Variants in KCNIP4 observed in about 807,000 individuals in gnomAD.
KCNIP4 encodes the protein Kv channel-interacting protein 4.
Under a neutral mutation model 34.0 loss-of-function variants are expected in KCNIP4, and 12 were observed. The observed-to-expected ratio is 0.35, with a 90% confidence interval of 0.23 to 0.57. The LOEUF (loss-of-function observed/expected upper bound fraction) is 0.57. Ranked by LOEUF, KCNIP4 falls within the 20% of genes least tolerant of loss-of-function variation. The pLI is 0.83. For missense variants in KCNIP4, 238 were observed against 311.7 expected, an observed-to-expected ratio of 0.76 and a Z score of 1.78; for synonymous variants, 124 against 102.2, an observed-to-expected ratio of 1.21 and a Z score of -1.29.
At chr4:20,925,307 G>A (rs917117052) in intron 1 of KCNIP4, among the ~76,000 whole-genome samples, 7 of 152,078 alleles carry the variant, frequency 4.6e-5, no homozygotes, top group Non-Finnish European at 8.8e-5. Flanking sequence ...TTCCCAGATG[G>A]TTAGGGCATT....
intron 1 of KCNIP4, among the ~76,000 whole-genome samples, chr4:21,934,432 G>T (rs1729735904): frequency 2.6e-5 from 4 of 151,968 alleles, no homozygotes; most frequent in Admixed American, 2.6e-4. Context: ...CTCTTCCCAT[G>T]TAATCACTTC....
At chr4:21,780,303 A>C (rs565876572) in intron 1 of KCNIP4, among the ~76,000 whole-genome samples, 1 of 152,228 alleles carries the variant, frequency 6.6e-6, no homozygotes, top group African/African-American at 2.4e-5. Flanking sequence ...AAGGGTCAAA[A>C]ATTCCCCATG....
At chr4:21,870,218 G>A (rs770390666) in intron 1 of KCNIP4, among the ~76,000 whole-genome samples, 3 of 152,234 alleles carry the variant, frequency 2.0e-5, no homozygotes, top group East Asian at 3.9e-4. Flanking sequence ...CCACCAGACC[G>A]CCAGATGGTT....
intron 1 of KCNIP4, among the ~76,000 whole-genome samples, chr4:21,813,483 G>T (rs1294484740): frequency 6.6e-6 from 1 of 152,084 alleles, no homozygotes; most frequent in Non-Finnish European, 1.5e-5. Context: ...CCATCCCAGA[G>T]AAAAACTTTT....
At chr4:21,424,043 G>A (rs1165912052) in intron 1 of KCNIP4, among the ~76,000 whole-genome samples, 1 of 149,546 alleles carries the variant, frequency 6.7e-6, no homozygotes, top group African/African-American at 2.5e-5. Context: ...CTGGTCTGGA[G>A]CTCCTGACCT....
At chr4:21,722,415 A>T (rs574031431) in intron 1 of KCNIP4, among the ~76,000 whole-genome samples, 2 of 152,254 alleles carry the variant, frequency 1.3e-5, no homozygotes, top group African/African-American at 4.8e-5. Flanking sequence ...GTTTTTGGCC[A>T]CTGGGTAGGA....
At chr4:20,776,243 T>C (rs1338034146) in intron 3 of KCNIP4, among the ~76,000 whole-genome samples, 1 of 152,246 alleles carries the variant, frequency 6.6e-6, no homozygotes, top group Non-Finnish European at 1.5e-5. Context: ...CTAAAAGTTT[T>C]ATGTTTTTGC....
intron 1 of KCNIP4, among the ~76,000 whole-genome samples, chr4:21,048,166 C>G (rs1260004203): frequency 4.6e-5 from 7 of 152,154 alleles, no homozygotes; most frequent in Non-Finnish European, 1.0e-4. Context: ...CTACATTATT[C>G]TGTGGAAATA....
At chr4:21,265,760 A>G (rs1761765598) in intron 1 of KCNIP4, among the ~76,000 whole-genome samples, 1 of 152,234 alleles carries the variant, frequency 6.6e-6, no homozygotes, top group African/African-American at 2.4e-5. Context: ...GATGGGTGGA[A>G]GGACACTTAA....
At chr4:21,383,491 A>G (rs1271305717) in intron 1 of KCNIP4, among the ~76,000 whole-genome samples, 2 of 69,702 alleles carry the variant, frequency 2.9e-5, no homozygotes, top group African/African-American at 9.8e-5. Flanking sequence ...ATGTAGGAGT[A>G]GCAAGACAAA....
At chr4:21,433,006 G>T (rs1726626063) in intron 1 of KCNIP4, among the ~76,000 whole-genome samples, 1 of 152,116 alleles carries the variant, frequency 6.6e-6, no homozygotes, top group African/African-American at 2.4e-5. Flanking sequence ...CGAAGGATCA[G>T]CCATACCTAA....
chr4:21,111,770 G>A (rs1749191350), intron 1 of KCNIP4, among the ~76,000 whole-genome samples: 1 of 152,206 alleles, frequency 6.6e-6, no homozygotes, highest in Admixed American at 6.5e-5. Flanking sequence ...AGGCAGGAAT[G>A]AACAGGACAG....
intron 1 of KCNIP4, among the ~76,000 whole-genome samples, chr4:21,116,357 T>C (rs1749674658): frequency 6.6e-6 from 1 of 152,122 alleles, no homozygotes; most frequent in Non-Finnish European, 1.5e-5. Context: ...CCTAATTCGT[T>C]CATTCATTCA....
intron 1 of KCNIP4, among the ~76,000 whole-genome samples, chr4:21,798,124 CA>C (rs66713649): frequency 0.13 from 19,283 of 145,128 alleles, 4,135 homozygotes; most frequent in African/African-American, 0.45. Context: ...ATATAAAATA[CA>C]AAAAAAAAAT....
chr4:21,524,133 T>C (rs1379953743), intron 1 of KCNIP4, among the ~76,000 whole-genome samples: 1 of 152,080 alleles, frequency 6.6e-6, no homozygotes, highest in African/African-American at 2.4e-5. Flanking sequence ...TGGGTGGTAG[T>C]GTGGGAAGAA....
intron 3 of KCNIP4, among the ~76,000 whole-genome samples, chr4:20,819,562 G>C (rs1368252936): frequency 6.6e-6 from 1 of 152,160 alleles, no homozygotes; most frequent in Non-Finnish European, 1.5e-5. Context: ...AAAGAACATA[G>C]CATATGCTCA....
intron 1 of KCNIP4, among the ~76,000 whole-genome samples, chr4:21,719,748 G>A (rs529134827): frequency 2.0e-5 from 3 of 151,984 alleles, no homozygotes; most frequent in East Asian, 1.9e-4. Flanking sequence ...AATCACCTGA[G>A]GTCAAGAGTT....
At chr4:21,431,256 A>G (rs1341912153) in intron 1 of KCNIP4, among the ~76,000 whole-genome samples, 2 of 152,098 alleles carry the variant, frequency 1.3e-5, no homozygotes, top group African/African-American at 4.8e-5. Flanking sequence ...AATTCAGGGA[A>G]AAGTTAAGAG....
At chr4:21,617,160 GGTT>G (rs1253257628) in intron 1 of KCNIP4, among the ~76,000 whole-genome samples, 1 of 152,070 alleles carries the variant, frequency 6.6e-6, no homozygotes. Flanking sequence ...CAAATTAAAA[GGTT>G]GTGTACTGTG....
Sources: allele counts gnomAD v4.1 joint callset (sites outside exome capture counted in the v4.1 genomes callset), GRCh38; gene constraint gnomAD v4.1.1; transcripts MANE v1.5; gene names NCBI Gene and HGNC (gene_info 2026-07-23, HGNC 2026-07-21).